CSMD1: variants seen among roughly 807,000 people sequenced by gnomAD.
CSMD1 encodes the protein CUB and sushi domain-containing protein 1.
CSMD1 carries 213 observed loss-of-function variants against 417.5 expected under a neutral mutation model. The observed-to-expected ratio is 0.51, with a 90% CI of 0.46 to 0.57. The LOEUF is 0.57. Among genes scored for constraint, CSMD1 ranks in the 20% least tolerant of loss-of-function variants. CSMD1 has a pLI of 0.00. For synonymous variants in CSMD1, 2,862 were observed against 1,736.8 expected (o/e 1.65, Z -16.11); for missense variants, 6,923 against 4,529.7 (o/e 1.53, Z -15.17).
chr8:4,400,404 A>C (rs549369138), intron 3 of CSMD1, among the ~76,000 whole-genome samples: 1 of 152,374 alleles, frequency 6.6e-6, no homozygotes, highest in South Asian at 2.1e-4. Context: ...TTGCCGTTCC[A>C]GGAGCATATG....
intron 1 of CSMD1, among the ~76,000 whole-genome samples, chr8:4,688,464 G>C (rs1347460571): frequency 1.3e-5 from 2 of 152,106 alleles, no homozygotes; most frequent in Admixed American, 1.3e-4. Context: ...GCTGCCAGCA[G>C]GCGTAAGCAC....
In CSMD1 at chr8:3,989,474, A is replaced by C. The variant is rs1453228685; in HGVS notation, c.818+8429T>G. On this transcript the variant is annotated intron_variant, in intron 5 of 69. Transcript: ENST00000635120. Reference sequence around the variant, plus strand: ...TGGAACGAGTTGTGGTAACACAGACAAAAAACCTGGATTCTCTTCTAGCCA... The same window carrying C: ...TGGAACGAGTTGTGGTAACACAGACCAAAAACCTGGATTCTCTTCTAGCCA... Among the ~76,000 whole-genome samples, 5 of 152,292 alleles carry C rather than the reference A, an allele frequency of 3.3e-5. No homozygotes were observed. In the East Asian group the frequency reaches 9.7e-4, roughly 29 times the overall value.
At chr8:4,388,345 C>T (rs1213600031) in intron 3 of CSMD1, among the ~76,000 whole-genome samples, 2 of 149,970 alleles carry the variant, frequency 1.3e-5, no homozygotes, top group African/African-American at 2.5e-5. Context: ...CACACACACA[C>T]GAACACATGA....
chr8:4,778,198 A>G (rs1796967968), intron 1 of CSMD1, among the ~76,000 whole-genome samples: 1 of 152,228 alleles, frequency 6.6e-6, no homozygotes, highest in Non-Finnish European at 1.5e-5. Context: ...CATTAAAATT[A>G]CTTATGAAAA....
chr8:3,966,956 C>G (rs931000505), intron 5 of CSMD1, among the ~76,000 whole-genome samples: 14 of 152,270 alleles, frequency 9.2e-5, no homozygotes, highest in Non-Finnish European at 1.8e-4. Flanking sequence ...AATTCAAATT[C>G]TCCATTCTGT....
chr8:2,975,067 T>C (rs1804805944), intron 55 of CSMD1, among the ~76,000 whole-genome samples: 1 of 152,238 alleles, frequency 6.6e-6, no homozygotes. Flanking sequence ...CTGTCAAATC[T>C]GCTTAATCTT....
At chr8:4,476,374 G>A (rs1446080782) in intron 2 of CSMD1, among the ~76,000 whole-genome samples, 1 of 151,970 alleles carries the variant, frequency 6.6e-6, no homozygotes, top group Non-Finnish European at 1.5e-5. Context: ...CACAATTTTG[G>A]CTTTACATTT....
At chr8:3,964,567 C>G (rs753453707) in intron 5 of CSMD1, among the ~76,000 whole-genome samples, 13 of 152,178 alleles carry the variant, frequency 8.5e-5, no homozygotes, top group Non-Finnish European at 1.5e-4. Context: ...CTGGAGAAGT[C>G]TTGCAGGTTA....
chr8:4,396,414 C>A (rs556891257), intron 3 of CSMD1, among the ~76,000 whole-genome samples: 2 of 152,226 alleles, frequency 1.3e-5, no homozygotes, highest in South Asian at 4.1e-4. Context: ...TTTCAGTGAA[C>A]CAAGACTGCA....
intron 1 of CSMD1, among the ~76,000 whole-genome samples, chr8:4,864,743 A>G (rs1802324503): frequency 6.6e-6 from 1 of 151,766 alleles, no homozygotes; most frequent in African/African-American, 2.4e-5. Context: ...TATATTTTCC[A>G]TATGAGTCAT....
At position 4,089,352 on chromosome 8, in the gene CSMD1, G is replaced by A. The variant is rs142857181; in HGVS notation, c.416-57253C>T. 2.6e-4 allele frequency among the ~76,000 whole-genome samples: 40 copies of A among 152,290 alleles called. No individual in the cohort carries two copies. The East Asian group carries it at 6.8e-3, about 26-fold the overall frequency. The stretch of plus-strand genomic sequence containing the variant: ...AGAGCTCGGTATGGGGGAAAGCACA[G>A]GCTTTCACTGAGAAGACATTTTCAG... On this transcript the variant is annotated intron_variant, in intron 3 of 69. Transcript: ENST00000635120.
intron 3 of CSMD1, among the ~76,000 whole-genome samples, chr8:4,047,819 T>A (rs376117747): frequency 6.6e-6 from 1 of 152,090 alleles, no homozygotes; most frequent in Non-Finnish European, 1.5e-5. Context: ...AACACCTCAA[T>A]AAGAAAGTGG....
chr8:4,083,788 C>G (rs1266321211), intron 3 of CSMD1, among the ~76,000 whole-genome samples: 3 of 152,138 alleles, frequency 2.0e-5, no homozygotes, highest in Non-Finnish European at 2.9e-5. Context: ...TGGGCAAGGA[C>G]TTCATGTCTA....
intron 8 of CSMD1, among the ~76,000 whole-genome samples, chr8:3,611,102 G>C (rs1022103362): frequency 2.8e-5 from 3 of 106,492 alleles, no homozygotes; most frequent in Admixed American, 2.4e-4. Context: ...GGAGGGGGGA[G>C]GGATAGCATC....
Position 4,602,698 on chromosome 8 carries a change from T to A in CSMD1, c.302+34644A>T, listed in dbSNP as rs1209594027. ...TTGAAATGACTTAATTGTCTTAAGA[T>A]CTTCATTGTTGTTATCTACAAGGAA... is the stretch of plus-strand genomic sequence containing the variant. On this transcript the variant is annotated intron_variant, in intron 2 of 69. Transcript: ENST00000635120. 4.6e-5 allele frequency among the ~76,000 whole-genome samples: 7 copies of A among 152,178 alleles called. No homozygotes were observed. In the East Asian group the frequency reaches 1.3e-3, roughly 29 times the overall value.
In CSMD1 at chr8:3,399,466, T is replaced by A. The variant is rs773239846; in HGVS notation, c.2330A>T (p.Tyr777Phe). The A allele has an allele frequency of 1.2e-6, 2 of 1,610,058 alleles. No homozygotes were observed. Among genetic ancestry groups the A allele is most frequent in the Non-Finnish European group, 1.7e-6 (2 of 1,177,910 alleles). Reference sequence around the variant, plus strand: ...TTCACAATGTAAAGAATCCTTATAATATCCTGGCCATCCAGGAGGCAAAAT... The same window carrying A: ...TTCACAATGTAAAGAATCCTTATAAAATCCTGGCCATCCAGGAGGCAAAAT... ...GVILPPGWPG[Y>F]YKDSLHCEWI... Residue 777 changes from tyrosine (Y) to phenylalanine (F), a missense_variant, in exon 16 of 70, where the codon TAT becomes TTT. Tyr to Phe is a conservative substitution (Grantham distance 22, BLOSUM62 3). Transcript: ENST00000635120.
intron 4 of CSMD1, 33 bp from the exon 5 acceptor site, chr8:3,998,143 A>G (rs756281653): frequency 4.6e-6 from 7 of 1,528,608 alleles, no homozygotes; most frequent in Non-Finnish European, 6.2e-6. Context: ...AAAGCATCAC[A>G]TTTCAGGATG....
chr8:3,978,579 T>C (rs1014655380), intron 5 of CSMD1, among the ~76,000 whole-genome samples: 6 of 152,152 alleles, frequency 3.9e-5, no homozygotes, highest in African/African-American at 1.4e-4. Context: ...TAGGGTCTAA[T>C]GAATAGATTG....
At chr8:4,937,273 TC>T (rs1276122067) in intron 1 of CSMD1, among the ~76,000 whole-genome samples, 7 of 152,250 alleles carry the variant, frequency 4.6e-5, no homozygotes, top group African/African-American at 1.7e-4. Flanking sequence ...GGTGGTATAG[TC>T]CTATCTTCAC....
Sources: allele counts gnomAD v4.1 joint callset (sites outside exome capture counted in the v4.1 genomes callset), GRCh38; gene constraint gnomAD v4.1.1; transcripts MANE v1.5; gene names NCBI Gene and HGNC (gene_info 2026-07-23, HGNC 2026-07-21).